The following UBR4 variants were observed in gnomAD, a reference collection of about 807,000 sequenced individuals.
The protein encoded by UBR4 is E3 ubiquitin-protein ligase UBR4.
UBR4 carries 124 observed loss-of-function variants against 575.6 expected under a neutral mutation model. The ratio of observed to expected loss-of-function variants is 0.22; its 90% CI spans 0.19 to 0.25. The LOEUF is 0.25. UBR4 is among the 10% of genes least tolerant of loss of function. The pLI is 1.00. For missense variants in UBR4, 4,818 were observed against 6,478.8 expected (o/e 0.74, Z 8.80); for synonymous variants, 2,455 against 2,473.7 (o/e 0.99, Z 0.22).
chr1:19,113,139 G>A, intron 77 of UBR4: 1 of 414,796 alleles, frequency 2.4e-6, no homozygotes, highest in Non-Finnish European at 4.3e-6. Context: ...CAAAGACAAA[G>A]GTCAGAAGCT....
At chr1:19,111,902 G>A (rs2079928593) in intron 78 of UBR4, 3 of 152,260 alleles carry the variant, frequency 2.0e-5, no homozygotes, top group African/African-American at 7.2e-5. Context: ...TTACAGGCAT[G>A]AGCCACAGCA....
intron 78 of UBR4, chr1:19,112,234 G>C: frequency 5.4e-6 from 2 of 371,988 alleles, no homozygotes; most frequent in East Asian, 9.6e-5. Flanking sequence ...TCGAGTTCAA[G>C]TGTCTCCCTT....
chr1:19,099,876 C>G (rs963006455), intron 89 of UBR4, among the ~76,000 whole-genome samples, 199 bp from the exon 90 acceptor site: 1 of 152,122 alleles, frequency 6.6e-6, no homozygotes, highest in Non-Finnish European at 1.5e-5. Flanking sequence ...GGGCTGCTAA[C>G]GTCCCTAACC....
intron 62 of UBR4, among the ~76,000 whole-genome samples, chr1:19,127,963 A>C (rs2082004117): frequency 1.3e-5 from 2 of 152,184 alleles, no homozygotes; most frequent in South Asian, 4.1e-4. Flanking sequence ...TAATGTTCTC[A>C]CCTCACTGAG....
At position 19,177,665 on chromosome 1, in the gene UBR4, C is replaced by A; in HGVS notation, c.2433G>T (p.Leu811=). 1 of 1,614,024 alleles carries A rather than the reference C, an allele frequency of 6.2e-7. No individual in the cohort carries two copies. Among genetic ancestry groups the A allele is most frequent in the South Asian group, 1.1e-5 (1 of 91,072 alleles). The change falls in exon 19 of 106, where the codon CTG becomes CTT. Residue 811 remains leucine (L), a synonymous_variant. Transcript: ENST00000375254. ...TGTGGAAAATGAGGAGGAGCATCTGCAGGTGTTCTACATTCAGATCCTCTG... is the reference window on the plus strand; with the variant it reads ...TGTGGAAAATGAGGAGGAGCATCTGAAGGTGTTCTACATTCAGATCCTCTG... ...SETEDLNVEH[L]QMLLLIFHNF...
At chr1:19,169,359 ATTCCT>A in intron 27 of UBR4, 71 bp downstream of exon 27, 23 of 1,322,274 alleles carry the variant, frequency 1.7e-5, no homozygotes, top group Non-Finnish European at 2.3e-5. Flanking sequence ...TTTAAGCCTA[ATTCCT>A]TTAGGCTTAA....
chr1:19,155,496 T>C lies in UBR4; in HGVS notation c.6245A>G (p.Gln2082Arg), dbSNP rs2086318570. 1.9e-6 allele frequency: 3 copies of C among 1,614,206 alleles called. No individual in the cohort carries two copies. The highest frequency in any genetic ancestry group is 2.5e-6 in the Non-Finnish European group (3 of 1,180,026). The change falls in exon 43 of 106, where the codon CAG becomes CGG. Residue 2082 changes from glutamine to arginine, a missense_variant. Gln to Arg is a conservative substitution (Grantham distance 43). Coordinates refer to ENST00000375254, the MANE Select transcript of UBR4 (RefSeq NM_020765.3). ...ATTAGTGACATAGAAGGGTCCCTGC[T>C]GGGCACTGCTGGCCTCTTCCATAAG... ...TQLMEEASSAQQGPFYVTNVL... is the reference protein window; with the variant it reads ...TQLMEEASSARQGPFYVTNVL...
At chr1:19,143,954 G>C (rs769276443) in intron 55 of UBR4, 26 bp downstream of exon 55, 3 of 1,604,444 alleles carry the variant, frequency 1.9e-6, no homozygotes, top group East Asian at 2.2e-5. Context: ...ATACAGGCTT[G>C]AGCCTAAACC....
intron 1 of UBR4, among the ~76,000 whole-genome samples, chr1:19,209,328 C>T (rs1192672298): frequency 3.3e-5 from 5 of 152,186 alleles, no homozygotes; most frequent in Non-Finnish European, 5.9e-5. Context: ...AAGGCAGGCA[C>T]TCTGAGATCA....
At chr1:19,097,996 C>T (rs1351310600) in intron 90 of UBR4, among the ~76,000 whole-genome samples, 2 of 152,194 alleles carry the variant, frequency 1.3e-5, no homozygotes, top group Non-Finnish European at 2.9e-5. Context: ...GTATGTCTGG[C>T]ACTGAGCACA....
At position 19,187,189 on chromosome 1, in the gene UBR4, G is replaced by A. The variant is rs371799507; in HGVS notation, c.1607C>T (p.Thr536Met). 152 of 1,612,370 alleles carry A rather than the reference G, an allele frequency of 9.4e-5. No homozygotes were observed. In the Middle Eastern group the frequency reaches 9.9e-4, roughly 11 times the overall value. Reference protein sequence around the residue: ...DSVPLMNLLLTLLSTSYRKAC... With the variant: ...DSVPLMNLLLMLLSTSYRKAC... ...CTTTCTGTAGGAAGTTGAAAGTAAC[G>A]TCAAGAGCAGGTTCATCAGTGGGAC... The change falls in exon 13 of 106, where the codon ACG becomes ATG. Residue 536 changes from threonine to methionine, a missense_variant. Transcript: ENST00000375254.
intron 73 of UBR4, 32 bp from the exon 74 acceptor site, chr1:19,115,669 C>T (rs1316300666): frequency 6.2e-7 from 1 of 1,610,890 alleles, no homozygotes; most frequent in Non-Finnish European, 8.5e-7. Context: ...GAGATTTTCT[C>T]ATCTAACCCT....
At chr1:19,166,232 A>G (rs1289746662) in intron 29 of UBR4, among the ~76,000 whole-genome samples, 1 of 152,230 alleles carries the variant, frequency 6.6e-6, no homozygotes, top group African/African-American at 2.4e-5. Context: ...GTGGGGTGAA[A>G]GTGAAACAGA....
intron 34 of UBR4, among the ~76,000 whole-genome samples, 181 bp downstream of exon 34, chr1:19,163,582 CA>C (rs1282469061): frequency 2.0e-5 from 3 of 152,178 alleles, no homozygotes; most frequent in Non-Finnish European, 4.4e-5. Context: ...TCTTGCCAGC[CA>C]AAACATGCCT....
At chr1:19,091,576 A>G (rs755105590) in intron 97 of UBR4, among the ~76,000 whole-genome samples, 1 of 152,264 alleles carries the variant, frequency 6.6e-6, no homozygotes, top group Non-Finnish European at 1.5e-5. Flanking sequence ...AAAGACGTTC[A>G]ACATCATGAA....
chr1:19,122,019 T>G lies in UBR4; in HGVS notation c.9817-7A>C, dbSNP rs555109657. 6.2e-7 allele frequency: 1 copy of G among 1,613,808 alleles called. No individual in the cohort carries two copies. Among genetic ancestry groups the G allele is most frequent in the Non-Finnish European group, 8.5e-7 (1 of 1,179,936 alleles). On this transcript the variant is annotated splice_polypyrimidine_tract_variant and splice_region_variant and intron_variant, in intron 66 of 105. Coordinates refer to ENST00000375254, the MANE Select transcript of UBR4 (RefSeq NM_020765.3). The stretch of plus-strand genomic sequence containing the variant: ...AGGCTTTCAGGTGCTCCATCTGAAA[T>G]AGGAACCAACCACGGGAAAGGAGTA...
At chr1:19,202,953 G>T (rs926152264) in intron 1 of UBR4, among the ~76,000 whole-genome samples, 2 of 151,478 alleles carry the variant, frequency 1.3e-5, no homozygotes, top group African/African-American at 2.4e-5. Context: ...GTGGTGGCAC[G>T]CGCCTGTAAT....
intron 2 of UBR4, among the ~76,000 whole-genome samples, chr1:19,200,870 A>C (rs1317106013): frequency 6.6e-6 from 1 of 152,152 alleles, no homozygotes; most frequent in Non-Finnish European, 1.5e-5. Context: ...ATAAACAAAT[A>C]TGGGGACTCC....
At chr1:19,101,701 G>C in intron 87 of UBR4, 60 bp from the exon 88 acceptor site, 1 of 1,562,422 alleles carries the variant, frequency 6.4e-7, no homozygotes, top group Non-Finnish European at 8.8e-7. Context: ...GGTGAAATGA[G>C]AATTCTAACT....
Sources: gnomAD v4.1 joint callset for allele counts (sites outside exome capture counted in the v4.1 genomes callset) on GRCh38, gnomAD v4.1.1 for gene constraint, MANE v1.5 for transcripts, NCBI Gene and HGNC (gene_info 2026-07-23, HGNC 2026-07-21) for gene names.